The following OTOGL variants were observed in gnomAD, a reference collection of about 807,000 sequenced individuals.
OTOGL encodes the protein otogelin like.
A neutral mutation model predicts 318.5 loss-of-function variants in OTOGL; 285 were observed. The ratio of observed to expected loss-of-function variants is 0.89; its 90% confidence interval spans 0.81 to 0.99. The LOEUF is 0.99. Ranked by LOEUF, OTOGL falls within the 50% of genes least tolerant of loss-of-function variation. OTOGL has a pLI of 0.00. For synonymous variants in OTOGL, 987 were observed against 936.5 expected, an observed-to-expected ratio of 1.05 and a Z score of -0.99; for missense variants, 2,899 against 2,845.6, an observed-to-expected ratio of 1.02 and a Z score of -0.43.
At chr12:80,151,680 G>A (rs975088353) in intron 1 of OTOGL, among the ~76,000 whole-genome samples, 5 of 152,114 alleles carry the variant, frequency 3.3e-5, no homozygotes, top group Non-Finnish European at 7.3e-5. Context: ...ACACCTTGTG[G>A]CTTGTAAATA....
chr12:80,170,195 GTGTGTGTGTGTGTGTGTGTATGTA>G (rs749862616), intron 1 of OTOGL, among the ~76,000 whole-genome samples: 13,962 of 142,294 alleles, frequency 0.098, 833 homozygotes, highest in African/African-American at 0.21. Flanking sequence ...GTGTGTGTGT[GTGTGTGTGTGTGTGTGTGTATGTA>G]TGTGTGTGTG....
At chr12:80,336,299 G>A in intron 39 of OTOGL, 114 bp from the exon 40 acceptor site, 3 of 1,344,172 alleles carry the variant, frequency 2.2e-6, no homozygotes, top group Non-Finnish European at 2.9e-6. Flanking sequence ...AACTTTTAGA[G>A]TTGCTTCTTG....
intron 14 of OTOGL, among the ~76,000 whole-genome samples, chr12:80,254,010 T>A (rs1363801174): frequency 6.6e-6 from 1 of 152,082 alleles, no homozygotes; most frequent in Non-Finnish European, 1.5e-5. Flanking sequence ...TGCAGGACAG[T>A]CCTAAAAAGA....
Position 80,286,240 on chromosome 12 carries a change from A to G in OTOGL, c.2928+7074A>G, listed in dbSNP as rs372380983. On this transcript the variant is annotated intron_variant, in intron 26 of 58. Transcript: ENST00000547103. ...GATGAAGCCACCTTGATCGTGGTGGATAAGCTTTTTGATATGCTGCTGGGT... is the reference window on the plus strand; with the variant it reads ...GATGAAGCCACCTTGATCGTGGTGGGTAAGCTTTTTGATATGCTGCTGGGT... 7.9e-5 allele frequency among the ~76,000 whole-genome samples: 12 copies of G among 152,292 alleles called. No homozygotes were observed. The East Asian group carries it at 1.7e-3, about 22-fold the overall frequency.
At chr12:80,176,892 C>G (rs919212952) in intron 1 of OTOGL, among the ~76,000 whole-genome samples, 6 of 152,112 alleles carry the variant, frequency 3.9e-5, no homozygotes, top group Admixed American at 3.9e-4. Flanking sequence ...TGTTCTCCAT[C>G]ATTGCCAACA....
chr12:80,333,141 G>A, intron 38 of OTOGL, 63 bp downstream of exon 38: 2 of 1,428,836 alleles, frequency 1.4e-6, no homozygotes, highest in Non-Finnish European at 9.6e-7. Context: ...TCAAATTTCT[G>A]TGTCAATATC....
At chr12:80,193,585 G>C (rs1407111488) in intron 1 of OTOGL, among the ~76,000 whole-genome samples, 2 of 152,090 alleles carry the variant, frequency 1.3e-5, no homozygotes, top group Non-Finnish European at 2.9e-5. Flanking sequence ...TTTGATGAAG[G>C]AAATGTTATA....
At chr12:80,366,738 A>G in intron 53 of OTOGL, 101 bp downstream of exon 53, 1 of 321,618 alleles carries the variant, frequency 3.1e-6, no homozygotes, top group Non-Finnish European at 5.2e-6. Context: ...AGACACATAC[A>G]TTTTAAGCCA....
rs76278657 is a variant in OTOGL, at chr12:80,342,920, C to T, written c.5265+758C>T. On this transcript the variant is annotated intron_variant, in intron 44 of 58. Transcript: ENST00000547103. Reference sequence around the variant, plus strand: ...TTTCTTTGAGACAGTCTCACTTGGTCGCCTAGGCTGGAGTGTAGTGGCACG... The same window carrying T: ...TTTCTTTGAGACAGTCTCACTTGGTTGCCTAGGCTGGAGTGTAGTGGCACG... Among the ~76,000 whole-genome samples the T allele has an allele frequency of 7.7e-3, 1,177 of 152,188 alleles. 5 individuals carry two copies. The highest frequency in any genetic ancestry group is 0.013 in the Non-Finnish European group (881 of 68,010).
chr12:80,122,779 A>G (rs982699786), intron 1 of OTOGL, among the ~76,000 whole-genome samples: 3 of 152,150 alleles, frequency 2.0e-5, no homozygotes, highest in Non-Finnish European at 4.4e-5. Context: ...GTCATTTTTC[A>G]TATATGCTTT....
intron 18 of OTOGL, among the ~76,000 whole-genome samples, chr12:80,259,206 G>T (rs1882318303): frequency 6.6e-6 from 1 of 150,704 alleles, no homozygotes. Flanking sequence ...ATATATAAAT[G>T]CTGAGGTGAT....
Position 80,318,529 on chromosome 12 carries a change from T to C in OTOGL, c.3635-17T>C. 1 of 1,233,356 alleles carries C rather than the reference T, an allele frequency of 8.1e-7. No homozygotes were observed. Among genetic ancestry groups the C allele is most frequent in the South Asian group, 3.9e-5 (1 of 25,916 alleles). The allele number at this position is 1,233,356 out of a possible 1,614,324, so 76.4% of individuals were successfully genotyped here. On this transcript the variant is annotated splice_polypyrimidine_tract_variant and intron_variant, in intron 32 of 58. Coordinates refer to ENST00000547103, the MANE Select transcript of OTOGL (RefSeq NM_001378609.3). The stretch of plus-strand genomic sequence containing the variant: ...AATCTATGCCAATTTATAATTCTAA[T>C]ATTTATATTTAACTAGGACTTGGAG...
At chr12:80,112,571 GC>G (rs1382308876) in intron 1 of OTOGL, among the ~76,000 whole-genome samples, 1 of 152,116 alleles carries the variant, frequency 6.6e-6, no homozygotes, top group Non-Finnish European at 1.5e-5. Context: ...TGTTGAACCA[GC>G]CTTGTATCCC....
At chr12:80,150,238 CTTCT>C (rs1872702004) in intron 1 of OTOGL, among the ~76,000 whole-genome samples, 1 of 152,178 alleles carries the variant, frequency 6.6e-6, no homozygotes, top group Non-Finnish European at 1.5e-5. Flanking sequence ...TTGAGCCAAA[CTTCT>C]TTCAAGAATT....
rs142155556 is a variant in OTOGL at position 80,373,310 on chromosome 12, T to C, written c.6781+1246T>C. Among the ~76,000 whole-genome samples, 1,375 of 152,188 alleles carry C rather than the reference T, an allele frequency of 9.0e-3. 12 individuals carry two copies. The highest frequency in any genetic ancestry group is 0.028 in the African/African-American group (1,143 of 41,538). On this transcript the variant is annotated intron_variant, in intron 57 of 58. Transcript: ENST00000547103. ...AGCTGGACATAGCAGCATGTGCCTG[T>C]GATCCCAGCTACTTGGGAGGCTGAG...
rs1370762398 is a variant in OTOGL at position 80,219,869 on chromosome 12, T to C, written c.291T>C (p.Cys97=). 5.0e-6 allele frequency: 8 copies of C among 1,594,064 alleles called. No individual in the cohort carries two copies. Among genetic ancestry groups the C allele is most frequent in the Non-Finnish European group, 6.8e-6 (8 of 1,175,564 alleles). Reference sequence around the variant, plus strand: ...CTTTCTGTTCTAAGACTGGAACATGTGACTGTCAAATATTTCAGGCTCTTG... The same window carrying C: ...CTTTCTGTTCTAAGACTGGAACATGCGACTGTCAAATATTTCAGGCTCTTG... ...NGAFCSKTGT[C]DCQIFQALGT... is the part of the protein sequence containing the mutation. The change falls in exon 6 of 59, where the codon TGT becomes TGC. Residue 97 remains cysteine (C), a synonymous_variant. Coordinates refer to ENST00000547103, the MANE Select transcript of OTOGL (RefSeq NM_001378609.3).
chr12:80,343,507 T>TTGG (rs1888926249), intron 44 of OTOGL: 1 of 72,848 alleles, frequency 1.4e-5, no homozygotes, highest in Non-Finnish European at 2.8e-5. Flanking sequence ...TTTTTTATTC[T>TTGG]TGTTTTTTTT....
intron 22 of OTOGL, among the ~76,000 whole-genome samples, chr12:80,267,593 G>C (rs528446067): frequency 3.2e-4 from 39 of 120,196 alleles, no homozygotes; most frequent in African/African-American, 1.3e-3. Flanking sequence ...GGTGTATGAT[G>C]TTCCCCTTCC....
intron 31 of OTOGL, 85 bp downstream of exon 31, chr12:80,313,717 C>A: frequency 1.7e-6 from 2 of 1,175,954 alleles, no homozygotes; most frequent in Non-Finnish European, 2.3e-6. Flanking sequence ...GAAATAATGC[C>A]AGGAGACTCA....
Sources: allele counts gnomAD v4.1 joint callset (sites outside exome capture counted in the v4.1 genomes callset), GRCh38; gene constraint gnomAD v4.1.1; transcripts MANE v1.5; gene names NCBI Gene and HGNC (gene_info 2026-07-23, HGNC 2026-07-21).